Variants in COBLL1 observed in about 807,000 individuals in gnomAD.
The protein encoded by COBLL1 is cordon-bleu WH2 repeat protein like 1, also known as cordon-bleu protein-like 1.
In COBLL1, 50 loss-of-function variants were observed where a neutral mutation model predicts 94.8. The ratio of observed to expected loss-of-function variants is 0.53; its 90% CI spans 0.42 to 0.67. The LOEUF is 0.67. Ranked by LOEUF, COBLL1 falls within the 30% of genes least tolerant of loss-of-function variation. The pLI is 0.00. For missense variants in COBLL1, 1,362 were observed against 1,348.7 expected, an observed-to-expected ratio of 1.01 and a Z score of -0.15; for synonymous variants, 448 against 473.8, an observed-to-expected ratio of 0.95 and a Z score of 0.71.
At chr2:164,731,945 T>C (rs1411770598) in intron 3 of COBLL1, among the ~76,000 whole-genome samples, 1 of 152,168 alleles carries the variant, frequency 6.6e-6, no homozygotes, top group Non-Finnish European at 1.5e-5. Context: ...GGATTCACTG[T>C]CGGACACTGT....
intron 2 of COBLL1, among the ~76,000 whole-genome samples, chr2:164,769,825 C>T (rs1318583174): frequency 6.6e-6 from 1 of 152,142 alleles, no homozygotes; most frequent in East Asian, 1.9e-4. Flanking sequence ...AGCACCTACG[C>T]TGGCTTTGGG....
At chr2:164,793,822 T>C (rs182320029) in intron 2 of COBLL1, among the ~76,000 whole-genome samples, 7 of 152,354 alleles carry the variant, frequency 4.6e-5, no homozygotes, top group East Asian at 1.9e-4. Flanking sequence ...AGCAGACTGG[T>C]AAGACTATAA....
chr2:164,804,702 G>A (rs1466489754), intron 2 of COBLL1, among the ~76,000 whole-genome samples: 1 of 152,112 alleles, frequency 6.6e-6, no homozygotes. Flanking sequence ...ATATTCACCT[G>A]TCCATCATGA....
intron 2 of COBLL1, among the ~76,000 whole-genome samples, chr2:164,766,415 T>G (rs1687937044): frequency 1.3e-5 from 2 of 152,154 alleles, no homozygotes; most frequent in South Asian, 4.1e-4. Context: ...GTGCCATTCT[T>G]GCAATAGTGA....
intron 2 of COBLL1, among the ~76,000 whole-genome samples, chr2:164,826,268 A>C (rs1237867098): frequency 6.6e-6 from 1 of 152,218 alleles, no homozygotes; most frequent in African/African-American, 2.4e-5. Context: ...ATTAGTACAC[A>C]TTTTGCATTC....
chr2:164,801,266 C>A (rs1042199319), intron 2 of COBLL1, among the ~76,000 whole-genome samples: 25 of 150,820 alleles, frequency 1.7e-4, no homozygotes, highest in Non-Finnish European at 5.9e-5. Context: ...GGTGAAACCC[C>A]GTCTCTACTA....
chr2:164,691,230 A>G (rs1683574307), intron 13 of COBLL1, among the ~76,000 whole-genome samples: 1 of 152,052 alleles, frequency 6.6e-6, no homozygotes, highest in Non-Finnish European at 1.5e-5. Context: ...AGTTTGGCCA[A>G]TGTTGATATG....
chr2:164,832,534 T>C (rs1292346520), intron 2 of COBLL1, among the ~76,000 whole-genome samples: 1 of 152,218 alleles, frequency 6.6e-6, no homozygotes, highest in African/African-American at 2.4e-5. Context: ...AACTACTATA[T>C]AACTCAGCTT....
At chr2:164,752,235 A>C (rs1687163392) in intron 2 of COBLL1, among the ~76,000 whole-genome samples, 1 of 152,146 alleles carries the variant, frequency 6.6e-6, no homozygotes, top group South Asian at 2.1e-4. Flanking sequence ...ACACTATATG[A>C]AGCAAGTGCT....
At chr2:164,731,460 A>C (rs960106068) in intron 3 of COBLL1, among the ~76,000 whole-genome samples, 25 of 152,208 alleles carry the variant, frequency 1.6e-4, no homozygotes, top group Non-Finnish European at 2.1e-4. Flanking sequence ...TCACTGACAG[A>C]ACAACATAGT....
At chr2:164,779,037 T>G (rs1385095939) in intron 2 of COBLL1, among the ~76,000 whole-genome samples, 1 of 152,166 alleles carries the variant, frequency 6.6e-6, no homozygotes, top group African/African-American at 2.4e-5. Context: ...GATTTTTGAA[T>G]TTGACAGTCA....
At chr2:164,832,006 C>T (rs1683100127) in intron 2 of COBLL1, among the ~76,000 whole-genome samples, 1 of 152,154 alleles carries the variant, frequency 6.6e-6, no homozygotes, top group Admixed American at 6.5e-5. Flanking sequence ...TGTTTAGCAG[C>T]TCAATTTCCT....
intron 7 of COBLL1, among the ~76,000 whole-genome samples, chr2:164,716,045 A>C (rs758140145): frequency 2.4e-4 from 36 of 152,186 alleles, no homozygotes; most frequent in Non-Finnish European, 4.4e-4. Flanking sequence ...TTCAAATGTA[A>C]AATCAGCTTA....
intron 2 of COBLL1, among the ~76,000 whole-genome samples, chr2:164,746,384 G>A (rs1430633508): frequency 6.6e-6 from 1 of 152,030 alleles, no homozygotes; most frequent in Non-Finnish European, 1.5e-5. Context: ...GGAAAAATAA[G>A]TCAATAAAAT....
chr2:164,798,596 G>A (rs1431249552), intron 2 of COBLL1, among the ~76,000 whole-genome samples: 1 of 152,226 alleles, frequency 6.6e-6, no homozygotes, highest in Non-Finnish European at 1.5e-5. Flanking sequence ...GAGTGGACAA[G>A]GGAAGAATGC....
At chr2:164,794,231 G>A (rs1401027693) in intron 2 of COBLL1, among the ~76,000 whole-genome samples, 1 of 152,172 alleles carries the variant, frequency 6.6e-6, no homozygotes. Context: ...CTGTATCCTG[G>A]TGATAGCAGT....
intron 2 of COBLL1, among the ~76,000 whole-genome samples, chr2:164,796,700 C>A (rs1219609362): frequency 9.9e-6 from 1 of 100,672 alleles, no homozygotes; most frequent in African/African-American, 5.0e-5. Context: ...AAGTAGCTGG[C>A]CTTCCAAAAA....
chr2:164,697,962 A>G (rs1312520365), intron 11 of COBLL1: 6 of 152,134 alleles, frequency 3.9e-5, no homozygotes, highest in African/African-American at 1.4e-4. Context: ...GGTGATTTAG[A>G]TAAGGGTAGG....
At chr2:164,710,249 C>T (rs1684816261) in intron 7 of COBLL1, among the ~76,000 whole-genome samples, 1 of 152,040 alleles carries the variant, frequency 6.6e-6, no homozygotes, top group African/African-American at 2.4e-5. Context: ...ACTAAAAAAC[C>T]TTCTCTTGGG....
Sources: allele counts gnomAD v4.1 joint callset (sites outside exome capture counted in the v4.1 genomes callset), GRCh38; gene constraint gnomAD v4.1.1; transcripts MANE v1.5; gene names NCBI Gene and HGNC (gene_info 2026-07-23, HGNC 2026-07-21).